Variants in PDCD6IP observed in about 807,000 individuals in gnomAD.
PDCD6IP encodes the protein programmed cell death 6 interacting protein.
PDCD6IP carries 43 observed loss-of-function variants against 103.7 expected under a neutral mutation model. The observed-to-expected ratio is 0.41, with a 90% CI of 0.32 to 0.53. The LOEUF (loss-of-function observed/expected upper bound fraction) is 0.53, where lower values mean the gene tolerates loss of function less well. Among genes scored for constraint, PDCD6IP ranks in the 20% least tolerant of loss-of-function variants. PDCD6IP has a pLI of 0.16. For synonymous variants in PDCD6IP, 354 were observed against 378.7 expected (o/e 0.93, Z 0.76); for missense variants, 871 against 1,036.7 (o/e 0.84, Z 2.20).
intron 15 of PDCD6IP, among the ~76,000 whole-genome samples, chr3:33,858,510 TAAAG>T (rs1697878846): frequency 6.6e-6 from 1 of 150,486 alleles, no homozygotes; most frequent in Non-Finnish European, 1.5e-5. Flanking sequence ...CAAACATAAA[TAAAG>T]AAATAAACAT....
At chr3:33,820,076 G>A (rs1327648914) in intron 3 of PDCD6IP, among the ~76,000 whole-genome samples, 1 of 152,142 alleles carries the variant, frequency 6.6e-6, no homozygotes, top group African/African-American at 2.4e-5. Context: ...TTGAACCAAC[G>A]AGTTCAAGAC....
intron 3 of PDCD6IP, among the ~76,000 whole-genome samples, chr3:33,814,021 A>G (rs1223956748): frequency 6.6e-6 from 1 of 152,238 alleles, no homozygotes; most frequent in African/African-American, 2.4e-5. Context: ...TACAGATACA[A>G]AATCATAACC....
intron 5 of PDCD6IP, 31 bp downstream of exon 5, chr3:33,825,371 G>A: frequency 6.5e-7 from 1 of 1,539,326 alleles, no homozygotes; most frequent in Non-Finnish European, 8.8e-7. Flanking sequence ...TGTTGCATGT[G>A]AAAAAAAGTG....
chr3:33,808,070 T>A (rs537497433), intron 1 of PDCD6IP, among the ~76,000 whole-genome samples: 4 of 152,364 alleles, frequency 2.6e-5, no homozygotes, highest in Admixed American at 1.3e-4. Context: ...ATTTTACCGA[T>A]TCATTTGCTT....
intron 5 of PDCD6IP, 106 bp downstream of exon 5, chr3:33,825,446 G>C: frequency 1.0e-6 from 1 of 959,082 alleles, no homozygotes; most frequent in Non-Finnish European, 1.5e-6. Flanking sequence ...TGTCCTTCTT[G>C]AACTTGATAC....
At chr3:33,855,887 C>A (rs1400116122) in intron 15 of PDCD6IP, among the ~76,000 whole-genome samples, 1 of 152,170 alleles carries the variant, frequency 6.6e-6, no homozygotes, top group East Asian at 1.9e-4. Flanking sequence ...TGTAAGGAGG[C>A]AATCATTCTA....
At chr3:33,865,481 T>C in intron 17 of PDCD6IP, 51 bp downstream of exon 17, 2 of 1,494,328 alleles carry the variant, frequency 1.3e-6, no homozygotes, top group Non-Finnish European at 1.8e-6. Context: ...GTTTCTAGGC[T>C]CTGGCTAACC....
At chr3:33,860,559 T>C (rs1488188548) in intron 15 of PDCD6IP, among the ~76,000 whole-genome samples, 2 of 152,230 alleles carry the variant, frequency 1.3e-5, no homozygotes, top group Non-Finnish European at 2.9e-5. Context: ...TTATCTTTCT[T>C]TTCCAGGGCA....
At position 33,798,654 on chromosome 3, in the gene PDCD6IP, C is replaced by G. The variant is rs1353607771; in HGVS notation, c.-75C>G. 1 of 1,348,180 alleles carries G rather than the reference C, an allele frequency of 7.4e-7. No homozygotes were observed. The highest frequency in any genetic ancestry group is 2.6e-5 in the East Asian group (1 of 38,870). 83.5% of individuals were successfully genotyped at this position (1,348,180 alleles called of 1,614,324 possible). Reference sequence around the variant, plus strand: ...CAGTCAGTCCGCCAGTCCGCCAGCCCAGTACCTCTCTCTCCTCGGCCCTCG... The same window carrying G: ...CAGTCAGTCCGCCAGTCCGCCAGCCGAGTACCTCTCTCTCCTCGGCCCTCG... On this transcript the variant is annotated 5_prime_UTR_variant, in exon 1 of 18. Coordinates refer to ENST00000307296, the MANE Select transcript of PDCD6IP (RefSeq NM_013374.6).
intron 3 of PDCD6IP, among the ~76,000 whole-genome samples, chr3:33,820,091 C>T (rs946219564): frequency 1.3e-5 from 2 of 152,118 alleles, no homozygotes; most frequent in Admixed American, 6.5e-5. Context: ...CAAGACCAGC[C>T]TAGGCAACAT....
intron 17 of PDCD6IP, among the ~76,000 whole-genome samples, 181 bp from the exon 18 acceptor site, chr3:33,866,170 T>A (rs1051525264): frequency 1.1e-4 from 17 of 152,230 alleles, no homozygotes; most frequent in African/African-American, 3.9e-4. Flanking sequence ...TTTTAATTAA[T>A]AACAGGATAG....
At position 33,866,529 on chromosome 3, in the gene PDCD6IP, G is replaced by A. The variant is rs1299760921; in HGVS notation, c.*4G>A. ...GTCTTACTATCCACAGCAGTAATATGTCTGCTCAGCAGCTCAGCTGATTCA... is the reference window on the plus strand; with the variant it reads ...GTCTTACTATCCACAGCAGTAATATATCTGCTCAGCAGCTCAGCTGATTCA... On this transcript the variant is annotated 3_prime_UTR_variant, in exon 18 of 18. Coordinates refer to ENST00000307296, the MANE Select transcript of PDCD6IP (RefSeq NM_013374.6). The A allele has an allele frequency of 2.5e-6, 4 of 1,593,992 alleles. No individual in the cohort carries two copies. The highest frequency in any genetic ancestry group is 2.7e-5 in the African/African-American group (2 of 73,984).
intron 15 of PDCD6IP, among the ~76,000 whole-genome samples, chr3:33,860,717 G>A (rs1003748228): frequency 2.0e-5 from 3 of 152,086 alleles, no homozygotes; most frequent in Non-Finnish European, 4.4e-5. Context: ...GTGTGTATTT[G>A]TAGATCTTTT....
intron 15 of PDCD6IP, among the ~76,000 whole-genome samples, chr3:33,860,027 A>G (rs1433124489): frequency 2.6e-5 from 4 of 152,204 alleles, no homozygotes; most frequent in African/African-American, 4.8e-5. Context: ...AAGATCTCCA[A>G]GATAGTTATG....
At chr3:33,850,943 C>T (rs926739313) in intron 12 of PDCD6IP, among the ~76,000 whole-genome samples, 3 of 151,934 alleles carry the variant, frequency 2.0e-5, no homozygotes, top group African/African-American at 7.3e-5. Flanking sequence ...CCTCCCTCTT[C>T]TGTTCCTTTC....
rs1223193406 is a variant in PDCD6IP at position 33,798,726 on chromosome 3, A to G, written c.-3A>G. 3.9e-6 allele frequency: 6 copies of G among 1,552,864 alleles called. No homozygotes were observed. Among genetic ancestry groups the G allele is most frequent in the Non-Finnish European group, 5.2e-6 (6 of 1,146,184 alleles). On this transcript the variant is annotated 5_prime_UTR_variant, in exon 1 of 18. Coordinates refer to ENST00000307296, the MANE Select transcript of PDCD6IP (RefSeq NM_013374.6). ...GGCCCGAACGGCGGCGGAGGCGCTG[A>G]TCATGGCGACATTCATCTCGGTGCA...
intron 12 of PDCD6IP, among the ~76,000 whole-genome samples, chr3:33,849,899 C>T (rs996188961): frequency 7.2e-5 from 11 of 152,110 alleles, no homozygotes; most frequent in Non-Finnish European, 1.2e-4. Context: ...TCCACAAGTT[C>T]GTTCATAAAT....
intron 3 of PDCD6IP, among the ~76,000 whole-genome samples, chr3:33,821,259 C>T (rs1696985969): frequency 6.6e-6 from 1 of 151,938 alleles, no homozygotes; most frequent in African/African-American, 2.4e-5. Context: ...ATCCTCCTGC[C>T]TCAGCCTACT....
chr3:33,855,780 TGAA>T (rs781505002), intron 15 of PDCD6IP, among the ~76,000 whole-genome samples: 4 of 152,198 alleles, frequency 2.6e-5, no homozygotes, highest in Non-Finnish European at 5.9e-5. Flanking sequence ...ACTTCATAGA[TGAA>T]GAACATTTAC....
Sources: gnomAD v4.1 joint callset for allele counts (sites outside exome capture counted in the v4.1 genomes callset) on GRCh38, gnomAD v4.1.1 for gene constraint, MANE v1.5 for transcripts, NCBI Gene and HGNC (gene_info 2026-07-23, HGNC 2026-07-21) for gene names.